PYY: variants seen among roughly 807,000 people sequenced by gnomAD.
PYY encodes peptide tyrosine tyrosine.
PYY carries 12 observed loss-of-function variants against 10.3 expected under a neutral mutation model. The ratio of observed to expected loss-of-function variants is 1.17; its 90% CI spans 0.75 to 1.89. The LOEUF (loss-of-function observed/expected upper bound fraction) is 1.89, where lower values mean the gene tolerates loss of function less well. PYY is among the 40% of genes most tolerant of loss of function. PYY has a pLI of 0.00. For synonymous variants in PYY, 66 were observed against 62.0 expected, an observed-to-expected ratio of 1.06 and a Z score of -0.30; for missense variants, 141 against 134.0, an observed-to-expected ratio of 1.05 and a Z score of -0.26.
Position 43,999,309 on chromosome 17 carries a change from G to A in PYY, c.-463+5082C>T, listed in dbSNP as rs529865250. ...TGGCCTAAGTGGATTGCGCCTAAGG[G>A]AGAACGAGAGGGAGGACCTGGAGGC... On this transcript the variant is annotated intron_variant, in intron 1 of 6. Transcript: ENST00000360085. Among the ~76,000 whole-genome samples the A allele has an allele frequency of 1.7e-3, 262 of 152,250 alleles. 2 individuals are homozygous for A. The highest frequency in any genetic ancestry group is 2.5e-3 in the Non-Finnish European group (167 of 68,008).
chr17:43,984,235 C>T (rs2048901697), intron 1 of PYY, among the ~76,000 whole-genome samples: 1 of 152,208 alleles, frequency 6.6e-6, no homozygotes, highest in Non-Finnish European at 1.5e-5. Flanking sequence ...TCTGCGCGGC[C>T]GGGATGTGGC....
chr17:43,961,490 G>A (rs1169815267), intron 2 of PYY, among the ~76,000 whole-genome samples: 1 of 150,012 alleles, frequency 6.7e-6, no homozygotes, highest in African/African-American at 2.5e-5. Context: ...ACTTAGTCAC[G>A]TGGCCATGCC....
intron 1 of PYY, among the ~76,000 whole-genome samples, chr17:43,988,858 G>T (rs1412897708): frequency 6.6e-6 from 1 of 151,198 alleles, no homozygotes; most frequent in Non-Finnish European, 1.5e-5. Flanking sequence ...CACCTCCTGG[G>T]TTCAAGTGAT....
intron 1 of PYY, among the ~76,000 whole-genome samples, chr17:43,990,415 GGTGAC>G (rs2048948750): frequency 6.7e-6 from 1 of 148,892 alleles, no homozygotes; most frequent in Non-Finnish European, 1.5e-5. Context: ...CTCCAGCCTG[GGTGAC>G]AGAGCGAGAC....
At chr17:43,958,685 A>G (rs1178263756), upstream of PYY, among the ~76,000 whole-genome samples, 1 of 152,004 alleles carries the variant, frequency 6.6e-6, no homozygotes, top group Non-Finnish European at 1.5e-5. Flanking sequence ...CGGCCCCTAA[A>G]AGGCATTTTA....
At chr17:43,995,496 TC>T (rs1244207997) in intron 1 of PYY, among the ~76,000 whole-genome samples, 1 of 151,714 alleles carries the variant, frequency 6.6e-6, no homozygotes, top group Non-Finnish European at 1.5e-5. Context: ...ATACCTCCCA[TC>T]CCACATGCCC....
rs768297359 is a variant in PYY at position 43,975,733 on chromosome 17, T to A, written c.-462-9201A>T. On this transcript the variant is annotated intron_variant, in intron 1 of 6. Coordinates refer to the PYY transcript ENST00000360085. ...AGACCCTGAAAAAAAAAAATATATATATATATATATATACACACACACACA... is the reference window on the plus strand; with the variant it reads ...AGACCCTGAAAAAAAAAAATATATAAATATATATATATACACACACACACA... Among the ~76,000 whole-genome samples, 127 of 128,598 alleles carry A rather than the reference T, an allele frequency of 9.9e-4. 17 individuals carry two copies. The highest frequency in any genetic ancestry group is 2.8e-3 in the African/African-American group (81 of 28,774). 84.4% of individuals were successfully genotyped at this position (128,598 alleles called of 152,430 possible).
intron 1 of PYY, among the ~76,000 whole-genome samples, chr17:43,983,747 GC>G (rs1037512934): frequency 3.0e-4 from 46 of 152,332 alleles, no homozygotes; most frequent in Admixed American, 9.1e-4. Flanking sequence ...GTAGGCTCGT[GC>G]CCTTGACATA....
intron 1 of PYY, among the ~76,000 whole-genome samples, chr17:43,992,884 CAG>C (rs2048966957): frequency 8.5e-6 from 1 of 117,456 alleles, no homozygotes; most frequent in Admixed American, 9.4e-5. Flanking sequence ...CAGGCTGGAA[CAG>C]GGGGAGGATT....
At chr17:44,002,671 G>A (rs2049036518) in intron 1 of PYY, among the ~76,000 whole-genome samples, 1 of 152,236 alleles carries the variant, frequency 6.6e-6, no homozygotes, top group African/African-American at 2.4e-5. Context: ...TGGATCTGGA[G>A]CAGAACTGCT....
At chr17:43,956,584 G>T (rs443114), upstream of PYY, among the ~76,000 whole-genome samples, 2 of 152,048 alleles carry the variant, frequency 1.3e-5, no homozygotes, top group African/African-American at 2.4e-5. Flanking sequence ...AATCAAAGGG[G>T]AGGGGACAGA....
intron 1 of PYY, among the ~76,000 whole-genome samples, chr17:43,991,538 G>A (rs1216951758): frequency 6.6e-6 from 1 of 152,240 alleles, no homozygotes; most frequent in Non-Finnish European, 1.5e-5. Context: ...CAGATGGGCT[G>A]TAGCAAATGC....
intron 1 of PYY, among the ~76,000 whole-genome samples, chr17:44,001,594 C>A (rs2049027304): frequency 1.3e-5 from 2 of 152,200 alleles, no homozygotes; most frequent in African/African-American, 4.8e-5. Flanking sequence ...TGGAGTTAAT[C>A]ATCTACTCTG....
chr17:43,964,895 A>G (rs2143908126), intron 2 of PYY, among the ~76,000 whole-genome samples: 1 of 152,316 alleles, frequency 6.6e-6, no homozygotes, highest in South Asian at 2.1e-4. Context: ...GATCAAACAA[A>G]TGCTATTCTA....
intron 1 of PYY, among the ~76,000 whole-genome samples, chr17:43,997,453 A>G (rs1365768125): frequency 2.6e-5 from 4 of 152,150 alleles, no homozygotes; most frequent in Non-Finnish European, 5.9e-5. Flanking sequence ...GCCAAGGCAA[A>G]AGTAATTGTA....
chr17:43,959,809 C>T (rs1347123634), intron 2 of PYY, among the ~76,000 whole-genome samples: 9 of 152,280 alleles, frequency 5.9e-5, no homozygotes, highest in African/African-American at 2.2e-4. Context: ...CACATGAATG[C>T]TCCTGTTTGA....
intron 2 of PYY, among the ~76,000 whole-genome samples, chr17:43,961,690 G>A (rs1267817354): frequency 3.9e-5 from 6 of 152,060 alleles, no homozygotes; most frequent in Admixed American, 1.3e-4. Flanking sequence ...ACAGGAGTGC[G>A]CCACCACACC....
chr17:43,954,839 G>C (rs753155911), upstream of PYY, among the ~76,000 whole-genome samples: 3 of 152,244 alleles, frequency 2.0e-5, no homozygotes, highest in Non-Finnish European at 4.4e-5. Flanking sequence ...TTGAAGGAAA[G>C]GACTCGTGTT....
intron 1 of PYY, among the ~76,000 whole-genome samples, chr17:43,992,047 G>A (rs1357798727): frequency 3.3e-5 from 5 of 151,112 alleles, no homozygotes; most frequent in African/African-American, 9.8e-5. Flanking sequence ...CGTGAACCTG[G>A]GAGGCGGAGC....
Sources: allele counts gnomAD v4.1 joint callset (sites outside exome capture counted in the v4.1 genomes callset), GRCh38; gene constraint gnomAD v4.1.1; transcripts MANE v1.5; gene names NCBI Gene and HGNC (gene_info 2026-07-23, HGNC 2026-07-21).